Variants in EPHB1 observed in about 807,000 individuals in gnomAD.
EPHB1 encodes the protein EPH receptor B1.
A neutral mutation model predicts 94.4 loss-of-function variants in EPHB1; 30 were observed. The ratio of observed to expected loss-of-function variants is 0.32; its 90% confidence interval spans 0.24 to 0.43. The LOEUF is 0.43. Ranked by LOEUF, EPHB1 falls within the 20% of genes least tolerant of loss-of-function variation. EPHB1 has a pLI of 1.00. For synonymous variants in EPHB1, 522 were observed against 489.1 expected (o/e 1.07, Z -0.89); for missense variants, 1,055 against 1,308.3 (o/e 0.81, Z 2.99).
intron 4 of EPHB1, among the ~76,000 whole-genome samples, chr3:135,128,904 C>A (rs1020883006): frequency 7.2e-5 from 11 of 152,300 alleles, no homozygotes; most frequent in African/African-American, 2.6e-4. Flanking sequence ...AGGAAGAAGA[C>A]ACACCCCTGC....
At chr3:135,199,489 A>C (rs994261719) in intron 11 of EPHB1, among the ~76,000 whole-genome samples, 1 of 152,234 alleles carries the variant, frequency 6.6e-6, no homozygotes. Flanking sequence ...GTAGCTCTAA[A>C]CTTTCTTTTT....
intron 4 of EPHB1, among the ~76,000 whole-genome samples, chr3:135,116,967 A>G (rs910609155): frequency 3.3e-5 from 5 of 152,194 alleles, no homozygotes; most frequent in African/African-American, 9.6e-5. Flanking sequence ...AGACCCACAC[A>G]CATCACTGAT....
chr3:135,149,595 A>G (rs924332229), intron 5 of EPHB1, among the ~76,000 whole-genome samples: 3 of 152,232 alleles, frequency 2.0e-5, no homozygotes, highest in African/African-American at 7.2e-5. Flanking sequence ...TTGGAGAGGG[A>G]AAAACCAAAT....
At chr3:134,847,661 G>A (rs868867816) in intron 1 of EPHB1, among the ~76,000 whole-genome samples, 3 of 152,206 alleles carry the variant, frequency 2.0e-5, no homozygotes, top group Non-Finnish European at 4.4e-5. Flanking sequence ...GAACCAGAAG[G>A]TCTTGGCCAG....
intron 1 of EPHB1, among the ~76,000 whole-genome samples, chr3:134,899,568 T>C (rs1036646490): frequency 1.3e-5 from 2 of 152,242 alleles, no homozygotes; most frequent in African/African-American, 2.4e-5. Flanking sequence ...TCTTTCTAAA[T>C]ATAGTGTTTA....
At chr3:135,236,682 G>A (rs1943662217) in intron 12 of EPHB1, among the ~76,000 whole-genome samples, 1 of 152,116 alleles carries the variant, frequency 6.6e-6, no homozygotes, top group East Asian at 1.9e-4. Flanking sequence ...ACTTCAAGGG[G>A]ATCCTCTCAT....
At chr3:135,101,292 C>CTTT (rs1939027093) in intron 3 of EPHB1, among the ~76,000 whole-genome samples, 1 of 152,146 alleles carries the variant, frequency 6.6e-6, no homozygotes, top group Non-Finnish European at 1.5e-5. Flanking sequence ...CTCTTTTCTT[C>CTTT]TCCCTTTGTC....
At chr3:135,242,275 A>G (rs964008580) in intron 13 of EPHB1, among the ~76,000 whole-genome samples, 19 of 152,052 alleles carry the variant, frequency 1.2e-4, no homozygotes, top group Admixed American at 1.1e-3. Context: ...GGGAGGGGGC[A>G]GTTTTTATCC....
At chr3:135,053,466 G>A (rs752849046) in intron 3 of EPHB1, among the ~76,000 whole-genome samples, 9 of 152,166 alleles carry the variant, frequency 5.9e-5, no homozygotes, top group African/African-American at 1.2e-4. Flanking sequence ...TAATGTGGAG[G>A]TTTAATTAGA....
At chr3:134,872,873 G>A (rs956000683) in intron 1 of EPHB1, among the ~76,000 whole-genome samples, 22 of 152,158 alleles carry the variant, frequency 1.4e-4, no homozygotes, top group African/African-American at 5.1e-4. Flanking sequence ...TGTCTAGTAC[G>A]GAGCCTGGCA....
intron 8 of EPHB1, 103 bp downstream of exon 8, chr3:135,166,179 C>A: frequency 1.3e-6 from 1 of 763,320 alleles, no homozygotes. Flanking sequence ...CCATTCACGA[C>A]CACAATCATC....
At chr3:135,202,048 GC>G (rs1167186979) in intron 12 of EPHB1, among the ~76,000 whole-genome samples, 1 of 152,146 alleles carries the variant, frequency 6.6e-6, no homozygotes, top group African/African-American at 2.4e-5. Flanking sequence ...CATGCATGAG[GC>G]CTTCAGTCTG....
intron 12 of EPHB1, among the ~76,000 whole-genome samples, chr3:135,203,778 T>C (rs1942822071): frequency 6.6e-6 from 1 of 152,190 alleles, no homozygotes; most frequent in Non-Finnish European, 1.5e-5. Context: ...ATATTATGCC[T>C]ATTCCTCTGT....
chr3:134,925,702 C>T, intron 1 of EPHB1, 114 bp from the exon 2 acceptor site: 1 of 836,022 alleles, frequency 1.2e-6, no homozygotes, highest in Non-Finnish European at 1.8e-6. Flanking sequence ...CACAAACCTC[C>T]TTGTAGTACT....
At chr3:135,157,000 G>C (rs185596239) in intron 6 of EPHB1, among the ~76,000 whole-genome samples, 22 of 152,128 alleles carry the variant, frequency 1.4e-4, no homozygotes, top group Middle Eastern at 6.8e-3. Context: ...TCTCCCCAGC[G>C]TGCACCTATT....
intron 3 of EPHB1, among the ~76,000 whole-genome samples, chr3:135,102,260 T>TC (rs1448282546): frequency 2.0e-5 from 3 of 152,222 alleles, no homozygotes; most frequent in Non-Finnish European, 4.4e-5. Context: ...TGCCAGGGTC[T>TC]CCACCACTCT....
chr3:134,983,216 C>G (rs980408605), intron 3 of EPHB1, among the ~76,000 whole-genome samples: 1 of 152,122 alleles, frequency 6.6e-6, no homozygotes, highest in Non-Finnish European at 1.5e-5. Flanking sequence ...GTGTGTGTAC[C>G]CCTGAATATG....
chr3:135,148,981 C>A (rs910127435), intron 5 of EPHB1, among the ~76,000 whole-genome samples: 2 of 152,204 alleles, frequency 1.3e-5, no homozygotes, highest in Non-Finnish European at 2.9e-5. Context: ...AGTCTGATGA[C>A]ACTCTTCTTT....
chr3:134,840,150 A>G (rs549103196), intron 1 of EPHB1, among the ~76,000 whole-genome samples: 1 of 152,332 alleles, frequency 6.6e-6, no homozygotes, highest in African/African-American at 2.4e-5. Context: ...CAGGCAGCAC[A>G]CATCACTATG....
Sources: gnomAD v4.1 joint callset for allele counts (sites outside exome capture counted in the v4.1 genomes callset) on GRCh38, gnomAD v4.1.1 for gene constraint, MANE v1.5 for transcripts, NCBI Gene and HGNC (gene_info 2026-07-23, HGNC 2026-07-21) for gene names.